Variants in VPS13C observed in about 807,000 individuals in gnomAD.
The protein encoded by VPS13C is intermembrane lipid transfer protein VPS13C.
VPS13C carries 358 observed loss-of-function variants against 456.8 expected under a neutral mutation model. The ratio of observed to expected loss-of-function variants is 0.78; its 90% CI spans 0.72 to 0.86. The LOEUF (loss-of-function observed/expected upper bound fraction) is 0.86, where lower values mean the gene tolerates loss of function less well. VPS13C is among the 40% of genes least tolerant of loss of function. VPS13C has a pLI of 0.00. For synonymous variants in VPS13C, 1,578 were observed against 1,486.7 expected (o/e 1.06, Z -1.41); for missense variants, 4,818 against 4,385.4 (o/e 1.10, Z -2.79).
intron 78 of VPS13C, among the ~76,000 whole-genome samples, chr15:61,872,803 A>C (rs979586815): frequency 3.3e-5 from 5 of 152,082 alleles, no homozygotes; most frequent in African/African-American, 1.2e-4. Flanking sequence ...TTCATACATC[A>C]CCTATATAAT....
Position 61,877,030 on chromosome 15 carries a change from A to G in VPS13C, c.10167T>C (p.Tyr3389=). The change falls in exon 75 of 85, where the codon TAT becomes TAC. Residue 3389 remains tyrosine, a synonymous_variant. Coordinates refer to ENST00000644861, the MANE Select transcript of VPS13C (RefSeq NM_020821.3). ...IFKLAYYEIR[Y]QFYKRDQLIW... ...TAAGCTGATCTCTCTTGTAGAACTG[A>G]TATCGAATTTCATAATAAGCAAGTC... is the stretch of plus-strand genomic sequence containing the variant. The G allele has an allele frequency of 1.2e-6, 2 of 1,609,196 alleles. No individual in the cohort carries two copies. Among genetic ancestry groups the G allele is most frequent in the Non-Finnish European group, 1.7e-6 (2 of 1,177,336 alleles).
chr15:62,036,120 C>T (rs2047991861), intron 3 of VPS13C, among the ~76,000 whole-genome samples: 1 of 151,884 alleles, frequency 6.6e-6, no homozygotes, highest in South Asian at 2.1e-4. Flanking sequence ...AATAAAATAC[C>T]TTCCTTCATC....
At chr15:61,945,681 T>G in intron 45 of VPS13C, 34 bp downstream of exon 45, 1 of 1,518,482 alleles carries the variant, frequency 6.6e-7, no homozygotes, top group East Asian at 2.3e-5. Context: ...TATTTAGGCC[T>G]CAGTGAGGAA....
At chr15:61,931,864 G>A (rs1385251623) in intron 49 of VPS13C, among the ~76,000 whole-genome samples, 1 of 151,990 alleles carries the variant, frequency 6.6e-6, no homozygotes, top group Non-Finnish European at 1.5e-5. Context: ...ACAGGCATAA[G>A]CCACTGCGCC....
intron 19 of VPS13C, 37 bp downstream of exon 19, chr15:61,984,820 T>A: frequency 6.3e-7 from 1 of 1,596,846 alleles, no homozygotes; most frequent in East Asian, 2.3e-5. Context: ...AAACTATAAC[T>A]AAAAGTAAAA....
At chr15:61,874,776 T>C in intron 77 of VPS13C, 100 bp downstream of exon 77, 1 of 1,048,588 alleles carries the variant, frequency 9.5e-7, no homozygotes, top group Admixed American at 2.6e-5. Context: ...AAGAAAGTGA[T>C]CCCTCCTTTA....
rs972993278 is a variant in VPS13C at position 61,873,535 on chromosome 15, G to T, written c.10415-126C>A. ...TCTGAATAAATATTTCTGAAAAGGA[G>T]ACATACAAATGGCCAACAAGTATAT... is the stretch of plus-strand genomic sequence containing the variant. On this transcript the variant is annotated intron_variant, in intron 77 of 84. Coordinates refer to ENST00000644861, the MANE Select transcript of VPS13C (RefSeq NM_020821.3). 10 of 967,730 alleles carry T rather than the reference G, an allele frequency of 1.0e-5. No homozygotes were observed. In the African/African-American group the frequency reaches 1.5e-4, roughly 14 times the overall value. 59.9% of individuals were successfully genotyped at this position (967,730 alleles called of 1,614,324 possible).
chr15:62,006,678 AC>A (rs1237927176), intron 15 of VPS13C, among the ~76,000 whole-genome samples: 13 of 152,224 alleles, frequency 8.5e-5, no homozygotes, highest in African/African-American at 2.9e-4. Flanking sequence ...AGGAATCGCC[AC>A]ACTGACTTCC....
intron 16 of VPS13C, among the ~76,000 whole-genome samples, chr15:61,999,904 TA>T (rs71125961): frequency 0.41 from 47,892 of 116,158 alleles, 8,570 homozygotes; most frequent in Admixed American, 0.48. Flanking sequence ...AAAGAAAAAG[TA>T]AAAAAAAAAA....
intron 4 of VPS13C, 53 bp from the exon 5 acceptor site, chr15:62,033,595 A>C: frequency 3.0e-6 from 4 of 1,330,490 alleles, no homozygotes; most frequent in Non-Finnish European, 4.1e-6. Context: ...ATAAATAAAC[A>C]AACGGAAAAA....
intron 66 of VPS13C, among the ~76,000 whole-genome samples, chr15:61,895,739 G>C (rs2140091579): frequency 6.6e-6 from 1 of 152,174 alleles, no homozygotes; most frequent in South Asian, 2.1e-4. Flanking sequence ...ACTCATATGT[G>C]GTAGCTAAAA....
rs186121206 is a variant in VPS13C at position 61,872,875 on chromosome 15, T to C, written c.10578+371A>G. On this transcript the variant is annotated intron_variant, in intron 78 of 84. Transcript: ENST00000644861. ...AGTATTAAAAAGTAATGAAAGGCAG[T>C]TCCTGGATTATCAACAATTAATTTT... Among the ~76,000 whole-genome samples, 36 of 152,202 alleles carry C rather than the reference T, an allele frequency of 2.4e-4. No individual in the cohort carries two copies. The East Asian group carries it at 6.0e-3, about 25-fold the overall frequency.
Position 61,962,362 on chromosome 15 carries a change from T to C in VPS13C, c.3603+9A>G, listed in dbSNP as rs758780501. ...AGTTGAAAAATCAATATACAAATAATTATTTTACCAGAAGTGACATAAGGA... is the reference window on the plus strand; with the variant it reads ...AGTTGAAAAATCAATATACAAATAACTATTTTACCAGAAGTGACATAAGGA... On this transcript the variant is annotated intron_variant, in intron 34 of 84. Transcript: ENST00000644861. 2 of 1,569,886 alleles carry C rather than the reference T, an allele frequency of 1.3e-6. No individual in the cohort carries two copies. Among genetic ancestry groups the C allele is most frequent in the South Asian group, 1.2e-5 (1 of 81,304 alleles).
rs1894054290 is a variant in VPS13C, at chr15:61,858,567, G to GGACTT, written c.10953-2159_10953-2158insAAGTC. 2.0e-5 allele frequency among the ~76,000 whole-genome samples: 3 copies of GGACTT among 152,120 alleles called. No individual in the cohort carries two copies. Among genetic ancestry groups the GGACTT allele is most frequent in the Non-Finnish European group, 2.9e-5 (2 of 68,034 alleles). ...CAACCCTGGTATATATCTCTGTATA[G>GGACTT]TGCCCTGGACTTTGAATATAATGGA... is the stretch of plus-strand genomic sequence containing the variant. On this transcript the variant is annotated intron_variant, in intron 82 of 84. Transcript: ENST00000644861. This position sits in a 1 kb window ranked among gnomAD's most constrained non-coding sequence, Gnocchi z 4.4.
chr15:62,031,749 T>C (rs1433019020), intron 5 of VPS13C, among the ~76,000 whole-genome samples: 1 of 151,962 alleles, frequency 6.6e-6, no homozygotes, highest in Admixed American at 6.6e-5. Context: ...ACAAAATTAA[T>C]ACTACAGATG....
chr15:62,043,564 C>T (rs149869681), intron 2 of VPS13C, among the ~76,000 whole-genome samples: 8,986 of 152,224 alleles, frequency 0.059, 464 homozygotes, highest in East Asian at 0.2. Flanking sequence ...CAAGATCATG[C>T]CACTGCACTC....
At chr15:61,997,415 A>G (rs1195049766) in intron 16 of VPS13C, among the ~76,000 whole-genome samples, 1 of 152,118 alleles carries the variant, frequency 6.6e-6, no homozygotes, top group Non-Finnish European at 1.5e-5. Context: ...GGCTTTAAAG[A>G]AATCCATGTG....
chr15:62,022,044 C>A (rs2047480614), intron 8 of VPS13C, among the ~76,000 whole-genome samples: 1 of 151,818 alleles, frequency 6.6e-6, no homozygotes, highest in African/African-American at 2.4e-5. Context: ...TTTACCCATT[C>A]ATCCACTGAT....
chr15:62,028,273 T>C (rs1486734064), intron 6 of VPS13C, 85 bp downstream of exon 6: 3 of 1,396,018 alleles, frequency 2.1e-6, no homozygotes, highest in African/African-American at 1.4e-5. Flanking sequence ...AAGGATGGCA[T>C]GCCATCAAAT....
Sources: gnomAD v4.1 joint callset for allele counts (sites outside exome capture counted in the v4.1 genomes callset) on GRCh38, gnomAD v4.1.1 for gene constraint, Gnocchi (gnomAD v3.1) non-coding constraint, MANE v1.5 for transcripts, NCBI Gene and HGNC (gene_info 2026-07-23, HGNC 2026-07-21) for gene names.